SNTG1: variants seen among roughly 807,000 people sequenced by gnomAD.
SNTG1 encodes gamma-1-syntrophin.
SNTG1 carries 39 observed loss-of-function variants against 74.7 expected under a neutral mutation model. The ratio of observed to expected loss-of-function variants is 0.52; its 90% CI spans 0.40 to 0.68. The LOEUF (loss-of-function observed/expected upper bound fraction) is 0.68. Ranked by LOEUF, SNTG1 falls within the 30% of genes least tolerant of loss-of-function variation. The probability of loss-of-function intolerance (pLI) is 0.00; values close to 1 mark genes in which losing one functional copy is unlikely to be tolerated. For missense variants in SNTG1, 685 were observed against 609.5 expected (o/e 1.12, Z -1.30); for synonymous variants, 254 against 217.1 (o/e 1.17, Z -1.49).
chr8:50,041,541 A>T (rs1818640094), intron 1 of SNTG1, among the ~76,000 whole-genome samples: 1 of 152,242 alleles, frequency 6.6e-6, no homozygotes, highest in South Asian at 2.1e-4. Flanking sequence ...TGAGCTCAGT[A>T]GAACTTACGA....
intron 17 of SNTG1, among the ~76,000 whole-genome samples, chr8:50,736,874 G>T (rs887516445): frequency 6.6e-6 from 1 of 151,998 alleles, no homozygotes; most frequent in Admixed American, 6.6e-5. Context: ...TGAGAATAAA[G>T]ACACAACGTA....
intron 1 of SNTG1, among the ~76,000 whole-genome samples, chr8:49,919,563 A>G (rs1806347000): frequency 6.6e-6 from 1 of 152,010 alleles, no homozygotes; most frequent in Non-Finnish European, 1.5e-5. Context: ...TTTTTTTCCT[A>G]AGGAAAGAAT....
intron 2 of SNTG1, among the ~76,000 whole-genome samples, chr8:50,263,619 A>G (rs2087307909): frequency 6.6e-6 from 1 of 152,196 alleles, no homozygotes; most frequent in African/African-American, 2.4e-5. Context: ...ACTACTAAAA[A>G]AGTAACTTCA....
intron 1 of SNTG1, among the ~76,000 whole-genome samples, chr8:49,968,452 C>G (rs553593141): frequency 6.0e-4 from 91 of 152,060 alleles, no homozygotes; most frequent in Middle Eastern, 3.4e-3. Context: ...AATGTCTTGA[C>G]ATTGCATTAA....
At chr8:50,312,380 C>G (rs867314670) in intron 2 of SNTG1, among the ~76,000 whole-genome samples, 21 of 152,154 alleles carry the variant, frequency 1.4e-4, no homozygotes, top group African/African-American at 5.1e-4. Context: ...GCTTATTTCT[C>G]CAATAATCTT....
chr8:50,087,992 T>G (rs1406431800), intron 1 of SNTG1, among the ~76,000 whole-genome samples: 1 of 137,150 alleles, frequency 7.3e-6, no homozygotes, highest in Non-Finnish European at 1.5e-5. Flanking sequence ...CCATGTGATC[T>G]CATTGTTCAA....
At chr8:50,027,663 T>C (rs1280741721) in intron 1 of SNTG1, among the ~76,000 whole-genome samples, 3 of 152,190 alleles carry the variant, frequency 2.0e-5, no homozygotes, top group Admixed American at 6.5e-5. Context: ...ATGCCTTGAT[T>C]CTAGACTTTT....
At chr8:50,089,100 C>T (rs910110128) in intron 1 of SNTG1, among the ~76,000 whole-genome samples, 9 of 151,024 alleles carry the variant, frequency 6.0e-5, no homozygotes, top group Non-Finnish European at 1.3e-4. Context: ...GAAATAACGC[C>T]GCATATCTAC....
intron 2 of SNTG1, among the ~76,000 whole-genome samples, chr8:50,324,060 A>G (rs1214627971): frequency 6.6e-6 from 1 of 152,108 alleles, no homozygotes; most frequent in Non-Finnish European, 1.5e-5. Context: ...CAGTCTTTGT[A>G]TCCTATACTG....
intron 16 of SNTG1, among the ~76,000 whole-genome samples, chr8:50,706,507 T>A (rs1379237715): frequency 2.0e-5 from 3 of 152,172 alleles, no homozygotes. Context: ...TTATTTTAAG[T>A]CTCCTGATAT....
intron 15 of SNTG1, among the ~76,000 whole-genome samples, chr8:50,671,347 G>GA (rs1198317019): frequency 6.6e-6 from 1 of 151,324 alleles, no homozygotes; most frequent in East Asian, 1.9e-4. Flanking sequence ...AAATTTACAA[G>GA]AAAAAAACAA....
intron 1 of SNTG1, among the ~76,000 whole-genome samples, chr8:50,166,544 G>C (rs2082620263): frequency 3.1e-5 from 1 of 31,948 alleles, no homozygotes; most frequent in Non-Finnish European, 6.1e-5. Flanking sequence ...CTGGCCATCA[G>C]AGAAATGCAA....
chr8:50,114,528 A>G (rs926523236), intron 1 of SNTG1, among the ~76,000 whole-genome samples: 1 of 152,178 alleles, frequency 6.6e-6, no homozygotes, highest in Non-Finnish European at 1.5e-5. Flanking sequence ...ACTGAGGGAA[A>G]GGAAACTGGG....
chr8:50,602,699 T>C (rs1274352008), intron 13 of SNTG1, among the ~76,000 whole-genome samples: 2 of 152,196 alleles, frequency 1.3e-5, no homozygotes, highest in Non-Finnish European at 2.9e-5. Flanking sequence ...CTGGTGTTGA[T>C]GAAATCCCTA....
At chr8:50,442,078 A>AG (rs2093362887) in intron 5 of SNTG1, among the ~76,000 whole-genome samples, 1 of 152,186 alleles carries the variant, frequency 6.6e-6, no homozygotes, top group Non-Finnish European at 1.5e-5. Flanking sequence ...TGCCTTGACC[A>AG]GGGAGGTGCC....
At chr8:50,530,703 A>G (rs976033712) in intron 10 of SNTG1, among the ~76,000 whole-genome samples, 2 of 152,196 alleles carry the variant, frequency 1.3e-5, no homozygotes, top group African/African-American at 4.8e-5. Context: ...AGAAAATCCA[A>G]TTCACACATT....
intron 1 of SNTG1, among the ~76,000 whole-genome samples, chr8:50,168,462 G>A (rs1225811715): frequency 1.3e-5 from 2 of 152,022 alleles, no homozygotes; most frequent in Non-Finnish European, 2.9e-5. Context: ...CACATAAACA[G>A]AGTATACATT....
Position 50,119,221 on chromosome 8 carries a change from C to A in SNTG1, c.-102-53340C>A, listed in dbSNP as rs1394702822. On this transcript the variant is annotated intron_variant, in intron 1 of 18. Transcript: ENST00000642720. ...AAAATTATATAGCCAGCGAAGTGCCCACTTTTATATTTTATCACTGATCAC... is the reference window on the plus strand; with the variant it reads ...AAAATTATATAGCCAGCGAAGTGCCAACTTTTATATTTTATCACTGATCAC... Among the ~76,000 whole-genome samples, 4 of 141,062 alleles carry A rather than the reference C, an allele frequency of 2.8e-5. 1 individual carries two copies. The highest frequency in any genetic ancestry group is 6.3e-5 in the Non-Finnish European group (4 of 63,470). The allele number at this position is 141,062 out of a possible 152,430, so 92.5% of individuals were successfully genotyped here. A position where few individuals can be genotyped will look rare whatever the true frequency, so the allele number is the denominator to read the frequency against.
rs1554580683 is a variant in SNTG1 at position 50,115,576 on chromosome 8, A to AAAAAAAAACAAAAAAAAAAAC, written c.-102-56977_-102-56976insCAAAAAAAAAAACAAAAAAAA. On this transcript the variant is annotated intron_variant, in intron 1 of 18. Transcript: ENST00000642720. ...GAGCGAGACTCTGTCTCAAAAAAAA[A>AAAAAAAAACAAAAAAAAAAAC]AAAAAAAAAAACGAGATGGTTGAAG... Among the ~76,000 whole-genome samples the AAAAAAAAACAAAAAAAAAAAC allele has an allele frequency of 9.6e-5, 8 of 82,906 alleles. 1 individual carries two copies. Among genetic ancestry groups the AAAAAAAAACAAAAAAAAAAAC allele is most frequent in the East Asian group, 1.4e-3 (2 of 1,426 alleles). 54.4% of individuals were successfully genotyped at this position (82,906 alleles called of 152,430 possible).
Sources: gnomAD v4.1 joint callset for allele counts (sites outside exome capture counted in the v4.1 genomes callset) on GRCh38, gnomAD v4.1.1 for gene constraint, MANE v1.5 for transcripts, NCBI Gene and HGNC (gene_info 2026-07-23, HGNC 2026-07-21) for gene names.